Variants in MLPH observed in about 807,000 individuals in gnomAD.
MLPH encodes the protein exophilin-3.
A neutral mutation model predicts 72.1 loss-of-function variants in MLPH; 51 were observed. The observed-to-expected ratio is 0.71, with a 90% CI of 0.56 to 0.89. MLPH has a LOEUF of 0.89. Among genes scored for constraint, MLPH ranks in the 40% least tolerant of loss-of-function variants. The pLI, the probability that MLPH is intolerant of heterozygous loss-of-function variation, is 0.00. For missense variants in MLPH, 743 were observed against 759.9 expected (o/e 0.98, Z 0.26); for synonymous variants, 301 against 310.1 (o/e 0.97, Z 0.31).
chr2:237,531,862 TG>T (rs1202567195), intron 8 of MLPH, among the ~76,000 whole-genome samples: 1 of 152,076 alleles, frequency 6.6e-6, no homozygotes, highest in Non-Finnish European at 1.5e-5. Context: ...AACAGTGACC[TG>T]GGGGGCCCTT....
chr2:237,548,833 C>T (rs929793755), intron 13 of MLPH, among the ~76,000 whole-genome samples: 11 of 152,174 alleles, frequency 7.2e-5, no homozygotes, highest in South Asian at 6.2e-4. Flanking sequence ...GAGCCGCGAT[C>T]GCACCACTGC....
rs375289429 is a variant in MLPH, at chr2:237,525,800, C to T, written c.875C>T (p.Ala292Val). 1.3e-5 allele frequency: 21 copies of T among 1,611,780 alleles called. No homozygotes were observed. Among genetic ancestry groups the T allele is most frequent in the Admixed American group, 3.3e-5 (2 of 59,996 alleles). ...SHRMALGTAA[A>V]LGSNVIRNEQ... ...AGGATGGCCCTGGGGACTGCTGCTG[C>T]ACTCGGTAGGTGCCCTTGGCCAGGG... The change falls in exon 7 of 16, where the codon GCA becomes GTA. Residue 292 changes from alanine to valine, a missense_variant. Coordinates refer to ENST00000264605, the MANE Select transcript of MLPH (RefSeq NM_024101.7).
At chr2:237,516,941 ATAGGTGGATAGG>A (rs1361785081) in intron 4 of MLPH, among the ~76,000 whole-genome samples, 1 of 118,592 alleles carries the variant, frequency 8.4e-6, no homozygotes, top group African/African-American at 3.9e-5. Context: ...GGATGGATGG[ATAGGTGGATAGG>A]TGGATAGATA....
Position 237,511,119 on chromosome 2 carries a change from A to G in MLPH, c.445+18A>G, listed in dbSNP as rs1397305506. The G allele has an allele frequency of 6.3e-7, 1 of 1,598,156 alleles. No homozygotes were observed. Among genetic ancestry groups the G allele is most frequent in the Non-Finnish European group, 8.6e-7 (1 of 1,165,934 alleles). ...GGGTGGAGGTAAGGAGTGGAGAGTAAGAACGGCTTTTTGTTCCCAGGCATT... is the reference window on the plus strand; with the variant it reads ...GGGTGGAGGTAAGGAGTGGAGAGTAGGAACGGCTTTTTGTTCCCAGGCATT... On this transcript the variant is annotated intron_variant, in intron 4 of 15. Transcript: ENST00000264605.
At chr2:237,499,698 A>G (rs908205758) in intron 2 of MLPH, among the ~76,000 whole-genome samples, 1 of 152,254 alleles carries the variant, frequency 6.6e-6, no homozygotes, top group Non-Finnish European at 1.5e-5. Context: ...GACATTGTCC[A>G]GTAGAAAAAG....
At chr2:237,488,280 G>A (rs962282042) in intron 1 of MLPH, among the ~76,000 whole-genome samples, 2 of 152,206 alleles carry the variant, frequency 1.3e-5, no homozygotes, top group African/African-American at 4.8e-5. Flanking sequence ...GCTGGGGGCT[G>A]TGAAGTCTCA....
intron 2 of MLPH, among the ~76,000 whole-genome samples, chr2:237,501,936 G>A (rs964102179): frequency 6.6e-6 from 1 of 152,260 alleles, no homozygotes; most frequent in African/African-American, 2.4e-5. Flanking sequence ...CTTGCTTGCT[G>A]TATCTTTTAA....
intron 1 of MLPH, among the ~76,000 whole-genome samples, chr2:237,491,699 A>G (rs999150514): frequency 6.6e-6 from 1 of 152,214 alleles, no homozygotes; most frequent in Non-Finnish European, 1.5e-5. Flanking sequence ...GTGTGCATGC[A>G]TTGGTGGTGA....
chr2:237,538,636 C>T (rs1233099958), intron 9 of MLPH, among the ~76,000 whole-genome samples: 1 of 152,226 alleles, frequency 6.6e-6, no homozygotes, highest in African/African-American at 2.4e-5. Context: ...CAGCTCACCC[C>T]TATAGCTTTC....
intron 8 of MLPH, 132 bp downstream of exon 8, chr2:237,527,648 A>G (rs1008551593): frequency 9.8e-6 from 11 of 1,126,714 alleles, no homozygotes; most frequent in African/African-American, 1.5e-5. Context: ...AGCCTACTTA[A>G]TGGAGATACG....
At chr2:237,540,296 C>T in intron 9 of MLPH, 52 bp from the exon 10 acceptor site, 1 of 1,597,282 alleles carries the variant, frequency 6.3e-7, no homozygotes, top group Non-Finnish European at 8.6e-7. Flanking sequence ...CCCTGGAGCT[C>T]CATGGCTCCA....
chr2:237,525,686 G>A lies in MLPH; in HGVS notation c.761G>A (p.Cys254Tyr). ...LEEADTGASGCHSHPEEQPTS... is the reference protein window; with the variant it reads ...LEEADTGASGYHSHPEEQPTS... ...GAGGCTGATACTGGGGCCTCTGGGT[G>A]CCACTCCCATCCGGAAGAGCAGCCG... The change falls in exon 7 of 16, where the codon TGC (cysteine) becomes TAC (tyrosine). Residue 254 changes from cysteine to tyrosine, a missense_variant. Physicochemically the swap from Cys to Tyr is radical, Grantham distance 194. Transcript: ENST00000264605. 9 of 1,614,188 alleles carry A rather than the reference G, an allele frequency of 5.6e-6. No homozygotes were observed. The highest frequency in any genetic ancestry group is 7.6e-6 in the Non-Finnish European group (9 of 1,180,042).
At chr2:237,517,540 T>C (rs1475231197) in intron 4 of MLPH, among the ~76,000 whole-genome samples, 6 of 150,938 alleles carry the variant, frequency 4.0e-5, no homozygotes, top group Non-Finnish European at 7.4e-5. Flanking sequence ...TCTGAGTGGA[T>C]GAATGCATTG....
chr2:237,498,015 C>T (rs551505931), intron 2 of MLPH, among the ~76,000 whole-genome samples: 10 of 152,278 alleles, frequency 6.6e-5, no homozygotes, highest in Admixed American at 3.9e-4. Flanking sequence ...AGCCCGTGGG[C>T]GCGACCCAGC....
intron 12 of MLPH, chr2:237,545,684 A>G: frequency 8.2e-7 from 1 of 1,220,678 alleles, no homozygotes; most frequent in Non-Finnish European, 1.0e-6. Context: ...CCATTCAGGA[A>G]TCTTCAGACA....
chr2:237,541,828 A>G lies in MLPH; in HGVS notation c.1447-739A>G, dbSNP rs1044110173. Among the ~76,000 whole-genome samples, 1 of 152,242 alleles carries G rather than the reference A, an allele frequency of 6.6e-6. No individual in the cohort carries two copies. Among genetic ancestry groups the G allele is most frequent in the African/African-American group, 2.4e-5 (1 of 41,470 alleles). On this transcript the variant is annotated intron_variant, in intron 11 of 15. Transcript: ENST00000264605. This position sits in a 1 kb window ranked among gnomAD's most constrained non-coding sequence, Gnocchi z 5.1. ...GTTCATGAAAAGTGTGATTAAGACA[A>G]TCAGTGAAGGTGAGCCCCTAGAGTG...
intron 9 of MLPH, among the ~76,000 whole-genome samples, chr2:237,536,587 C>G (rs1167885113): frequency 1.3e-5 from 2 of 152,092 alleles, no homozygotes; most frequent in Non-Finnish European, 2.9e-5. Context: ...TCAGAGTGGC[C>G]CCAACACAAG....
intron 7 of MLPH, 105 bp from the exon 8 acceptor site, chr2:237,527,272 A>G: frequency 7.1e-7 from 1 of 1,405,732 alleles, no homozygotes; most frequent in Admixed American, 1.7e-5. Context: ...GAACATCCTT[A>G]TGTCTTCATT....
intron 11 of MLPH, 30 bp downstream of exon 11, chr2:237,540,987 G>A (rs747231496): frequency 8.8e-6 from 14 of 1,583,528 alleles, no homozygotes; most frequent in African/African-American, 1.3e-5. Flanking sequence ...GGAGCACTGA[G>A]TTCCACAAAC....
Sources: gnomAD v4.1 joint callset for allele counts (sites outside exome capture counted in the v4.1 genomes callset) on GRCh38, gnomAD v4.1.1 for gene constraint, Gnocchi (gnomAD v3.1) non-coding constraint, MANE v1.5 for transcripts, NCBI Gene and HGNC (gene_info 2026-07-23, HGNC 2026-07-21) for gene names.